The following CLDN10 variants were observed in gnomAD, a reference collection of about 807,000 sequenced individuals.
CLDN10 encodes claudin 10.
A neutral mutation model predicts 22.9 loss-of-function variants in CLDN10; 15 were observed. That is an observed-to-expected ratio of 0.65 (90% CI 0.44 to 1.01). The LOEUF (loss-of-function observed/expected upper bound fraction) is 1.01, where lower values mean the gene tolerates loss of function less well. CLDN10 is among the 50% of genes least tolerant of loss of function. The pLI is 0.00. For missense variants in CLDN10, 247 were observed against 287.8 expected (o/e 0.86, Z 1.03); for synonymous variants, 114 against 111.4 (o/e 1.02, Z -0.15).
intron 1 of CLDN10, among the ~76,000 whole-genome samples, chr13:95,463,201 CATCT>C (rs992616624): frequency 4.8e-5 from 7 of 146,496 alleles, no homozygotes; most frequent in African/African-American, 7.6e-5. Flanking sequence ...ACCTATCTAT[CATCT>C]ATCTATCTAT....
intron 1 of CLDN10, among the ~76,000 whole-genome samples, chr13:95,487,610 T>C (rs1474391978): frequency 2.0e-5 from 3 of 152,232 alleles, no homozygotes. Context: ...AACTCTCACA[T>C]ACTTCATGAA....
At chr13:95,437,961 G>T (rs1490444075) in intron 1 of CLDN10, among the ~76,000 whole-genome samples, 1 of 152,186 alleles carries the variant, frequency 6.6e-6, no homozygotes, top group East Asian at 1.9e-4. Flanking sequence ...TTCGCCACCT[G>T]GCAGTAGAAG....
intron 1 of CLDN10, among the ~76,000 whole-genome samples, chr13:95,461,429 T>C (rs373470145): frequency 1.8e-4 from 28 of 152,314 alleles, no homozygotes; most frequent in African/African-American, 6.7e-4. Context: ...CACTTTACCT[T>C]TTTCCTTTGC....
chr13:95,549,461 C>T (rs969656054), upstream of CLDN10, among the ~76,000 whole-genome samples: 3 of 152,122 alleles, frequency 2.0e-5, no homozygotes, highest in Non-Finnish European at 4.4e-5. Context: ...TCTATTTGGT[C>T]CATTTTTATT....
intron 1 of CLDN10, among the ~76,000 whole-genome samples, chr13:95,448,130 A>G (rs964304989): frequency 2.0e-5 from 3 of 152,168 alleles, no homozygotes; most frequent in African/African-American, 7.2e-5. Context: ...GCACACGCAT[A>G]CACCAGGCAG....
intron 1 of CLDN10, among the ~76,000 whole-genome samples, chr13:95,482,702 C>T (rs984819679): frequency 3.9e-5 from 6 of 152,230 alleles, no homozygotes; most frequent in East Asian, 3.9e-4. Context: ...ACTGGCTGGG[C>T]GCGGTGGCTC....
chr13:95,559,004 G>A (rs374152499), intron 1 of CLDN10, among the ~76,000 whole-genome samples: 27 of 152,116 alleles, frequency 1.8e-4, no homozygotes, highest in East Asian at 5.8e-4. Flanking sequence ...TCATGGTCTC[G>A]GAATTATTAT....
At chr13:95,564,412 G>T (rs905971616) in intron 3 of CLDN10, among the ~76,000 whole-genome samples, 1 of 152,162 alleles carries the variant, frequency 6.6e-6, no homozygotes, top group African/African-American at 2.4e-5. Flanking sequence ...CTCCCTGCAG[G>T]AGCATGTGTG....
chr13:95,495,072 G>C lies in CLDN10; in HGVS notation c.214+61025G>C, dbSNP rs934138990. ...TTTTTTTTAGATGGAGTCTCTCTCT[G>C]TTGCCCAGGCTGGAGTGCAGTGGTG... On this transcript the variant is annotated intron_variant, in intron 1 of 4. Transcript: ENST00000376873. Among the ~76,000 whole-genome samples, 7 of 149,674 alleles carry C rather than the reference G, an allele frequency of 4.7e-5. No individual in the cohort carries two copies. In the South Asian group the frequency reaches 1.5e-3, roughly 32 times the overall value.
At chr13:95,467,142 G>T (rs1042130406) in intron 1 of CLDN10, among the ~76,000 whole-genome samples, 3 of 151,314 alleles carry the variant, frequency 2.0e-5, no homozygotes, top group Non-Finnish European at 4.4e-5. Context: ...CTCCCAAAGT[G>T]CTGGGATTAC....
chr13:95,481,353 A>G lies in CLDN10; in HGVS notation c.214+47306A>G, dbSNP rs554736480. On this transcript the variant is annotated intron_variant, in intron 1 of 4. Coordinates refer to the CLDN10 transcript ENST00000376873. ...GAACCCTCTAAGCTGACATTTCTCC[A>G]ACATTCATGGGAATAGAAATTTCCT... 6.6e-5 allele frequency among the ~76,000 whole-genome samples: 10 copies of G among 152,342 alleles called. No homozygotes were observed. The South Asian group carries it at 1.7e-3, about 25-fold the overall frequency.
At chr13:95,507,957 G>A (rs1021672992) in intron 1 of CLDN10, among the ~76,000 whole-genome samples, 8 of 151,950 alleles carry the variant, frequency 5.3e-5, no homozygotes, top group African/African-American at 9.7e-5. Flanking sequence ...ATGTGGTGTC[G>A]TATGCCGGTG....
At chr13:95,450,066 G>C (rs1412033368) in intron 1 of CLDN10, among the ~76,000 whole-genome samples, 1 of 151,884 alleles carries the variant, frequency 6.6e-6, no homozygotes, top group African/African-American at 2.4e-5. Context: ...TAGAGACAGG[G>C]TTCTCCCTAT....
At chr13:95,535,725 T>C (rs2043393596) in intron 1 of CLDN10, among the ~76,000 whole-genome samples, 1 of 151,944 alleles carries the variant, frequency 6.6e-6, no homozygotes, top group Non-Finnish European at 1.5e-5. Context: ...CACCAGTTGG[T>C]TCAGGGAAAG....
At position 95,569,157 on chromosome 13, in the gene CLDN10, A is replaced by G. The variant is rs114588144; in HGVS notation, c.465-8074A>G. On this transcript the variant is annotated intron_variant, in intron 3 of 4. Coordinates refer to ENST00000299339, the MANE Select transcript of CLDN10 (RefSeq NM_006984.5). ...ACAGTATATTAATGTATAGTATATT[A>G]CCTTATGTAATCTATTAAGGTTAGC... 8.0e-3 allele frequency among the ~76,000 whole-genome samples: 1,215 copies of G among 152,306 alleles called. 17 individuals carry two copies. Among genetic ancestry groups the G allele is most frequent in the African/African-American group, 0.028 (1,146 of 41,560 alleles).
intron 3 of CLDN10, among the ~76,000 whole-genome samples, chr13:95,562,052 CCTT>C (rs745657961): frequency 5.9e-5 from 9 of 151,998 alleles, no homozygotes; most frequent in Non-Finnish European, 1.3e-4. Context: ...GCCTCAGCCT[CCTT>C]AGTAGCTGGG....
intron 1 of CLDN10, among the ~76,000 whole-genome samples, chr13:95,539,818 T>A (rs896613404): frequency 1.3e-5 from 2 of 152,202 alleles, no homozygotes; most frequent in Non-Finnish European, 2.9e-5. Flanking sequence ...TAGAGTACAG[T>A]ATTTTATTCA....
At chr13:95,529,410 T>C (rs1343592063) in intron 1 of CLDN10, among the ~76,000 whole-genome samples, 1 of 152,236 alleles carries the variant, frequency 6.6e-6, no homozygotes, top group African/African-American at 2.4e-5. Context: ...ATGTACCCTG[T>C]TACATAGAAA....
chr13:95,550,639 A>G (rs4773914), upstream of CLDN10, among the ~76,000 whole-genome samples: 100,930 of 151,852 alleles, frequency 0.66, 33,786 homozygotes, highest in African/African-American at 0.7. Context: ...TAGGCAGATT[A>G]TTCAGGAAGG....
Sources: allele counts gnomAD v4.1 joint callset (sites outside exome capture counted in the v4.1 genomes callset), GRCh38; gene constraint gnomAD v4.1.1; transcripts MANE v1.5; gene names NCBI Gene and HGNC (gene_info 2026-07-23, HGNC 2026-07-21).